CSMD1: variants seen among roughly 807,000 people sequenced by gnomAD.
CSMD1 encodes CUB and Sushi multiple domains 1.
Under a neutral mutation model 417.5 loss-of-function variants are expected in CSMD1, and 213 were observed. The ratio of observed to expected loss-of-function variants is 0.51; its 90% confidence interval spans 0.46 to 0.57. CSMD1 has a LOEUF of 0.57. Among genes scored for constraint, CSMD1 ranks in the 20% least tolerant of loss-of-function variants. The pLI is 0.00. For synonymous variants in CSMD1, 2,862 were observed against 1,736.8 expected, an observed-to-expected ratio of 1.65 and a Z score of -16.11; for missense variants, 6,923 against 4,529.7, an observed-to-expected ratio of 1.53 and a Z score of -15.17.
chr8:3,801,696 T>C (rs1418109032), intron 5 of CSMD1, among the ~76,000 whole-genome samples: 2 of 152,166 alleles, frequency 1.3e-5, no homozygotes, highest in Admixed American at 1.3e-4. Flanking sequence ...GCATCATTCA[T>C]AATATCCAAA....
At position 3,244,277 on chromosome 8, in the gene CSMD1, G is replaced by A. The variant is rs79641118; in HGVS notation, c.4154-14046C>T. 1.8e-4 allele frequency among the ~76,000 whole-genome samples: 27 copies of A among 152,176 alleles called. No individual in the cohort carries two copies. The South Asian group carries it at 1.9e-3, about 11-fold the overall frequency. On this transcript the variant is annotated intron_variant, in intron 26 of 69. Coordinates refer to ENST00000635120, the MANE Select transcript of CSMD1 (RefSeq NM_033225.6). ...GTATTTTGGAGGGTCAGTAGCCTGCGAAGCTCCTTGTTTCTGTTCACTGGA... is the reference window on the plus strand; with the variant it reads ...GTATTTTGGAGGGTCAGTAGCCTGCAAAGCTCCTTGTTTCTGTTCACTGGA...
chr8:4,257,640 A>G (rs984473216), intron 3 of CSMD1, among the ~76,000 whole-genome samples: 20 of 152,230 alleles, frequency 1.3e-4, no homozygotes, highest in Admixed American at 1.2e-3. Flanking sequence ...TTCAGGAAAT[A>G]CATCACATTG....
intron 38 of CSMD1, among the ~76,000 whole-genome samples, chr8:3,161,482 T>G (rs1366256650): frequency 6.6e-6 from 1 of 151,978 alleles, no homozygotes; most frequent in African/African-American, 2.4e-5. Context: ...CCGGGTGTGG[T>G]GGCAGGTGCC....
Position 3,888,104 on chromosome 8 carries a change from G to A in CSMD1, c.818+109799C>T, listed in dbSNP as rs192468421. Among the ~76,000 whole-genome samples, 272 of 152,186 alleles carry A rather than the reference G, an allele frequency of 1.8e-3. 4 individuals are homozygous for A. The highest frequency in any genetic ancestry group is 0.015 in the Admixed American group (225 of 15,270). ...GCAATATCATTAATTAAAAACCAAC[G>A]CTCCTTTGCCTAAGTGGGATAACAT... On this transcript the variant is annotated intron_variant, in intron 5 of 69. Coordinates refer to ENST00000635120, the MANE Select transcript of CSMD1 (RefSeq NM_033225.6).
chr8:4,206,707 G>T (rs952628087), intron 3 of CSMD1, among the ~76,000 whole-genome samples: 2 of 152,106 alleles, frequency 1.3e-5, no homozygotes, highest in Non-Finnish European at 2.9e-5. Context: ...CCCTGTAATG[G>T]GATGGCTGGG....
At chr8:3,203,890 G>A (rs181764824) in intron 31 of CSMD1, among the ~76,000 whole-genome samples, 8 of 152,254 alleles carry the variant, frequency 5.3e-5, no homozygotes, top group Admixed American at 4.6e-4. Context: ...CTTCCTACCT[G>A]GTAAGGATCA....
At chr8:3,993,877 G>A (rs1257773743) in intron 5 of CSMD1, among the ~76,000 whole-genome samples, 5 of 152,148 alleles carry the variant, frequency 3.3e-5, no homozygotes, top group Non-Finnish European at 5.9e-5. Flanking sequence ...TAATGGGATC[G>A]ACAAAAGATA....
intron 22 of CSMD1, among the ~76,000 whole-genome samples, chr8:3,344,655 CAG>C (rs1013953578): frequency 1.3e-5 from 2 of 152,116 alleles, no homozygotes; most frequent in Non-Finnish European, 2.9e-5. Flanking sequence ...TAAAATTAAA[CAG>C]AGTCTTAGTA....
intron 1 of CSMD1, among the ~76,000 whole-genome samples, chr8:4,902,994 GATAA>G (rs1214981549): frequency 2.1e-4 from 29 of 137,192 alleles, no homozygotes; most frequent in African/African-American, 8.3e-4. Context: ...ATAAATAAAT[GATAA>G]ATAATATTAA....
intron 1 of CSMD1, among the ~76,000 whole-genome samples, chr8:4,813,584 G>T (rs753335105): frequency 7.8e-4 from 119 of 152,136 alleles, no homozygotes; most frequent in Non-Finnish European, 9.9e-4. Flanking sequence ...GTTCATCAAA[G>T]TTCAAATCTC....
chr8:3,040,416 CAG>C (rs1252845605), intron 50 of CSMD1, among the ~76,000 whole-genome samples: 1 of 110,894 alleles, frequency 9.0e-6, no homozygotes, highest in African/African-American at 2.9e-5. Context: ...ATATATATAA[CAG>C]AAATATATAT....
intron 1 of CSMD1, among the ~76,000 whole-genome samples, chr8:4,732,901 G>C (rs2116965551): frequency 6.6e-6 from 1 of 152,252 alleles, no homozygotes; most frequent in African/African-American, 2.4e-5. Flanking sequence ...AACATGTCCA[G>C]CCTGCTGGGA....
At chr8:3,733,433 G>T (rs905761293) in intron 6 of CSMD1, among the ~76,000 whole-genome samples, 1 of 150,682 alleles carries the variant, frequency 6.6e-6, no homozygotes, top group Non-Finnish European at 1.5e-5. Context: ...TTTTGATTTG[G>T]TGTATGTATG....
chr8:3,937,087 T>C (rs1810549369), intron 5 of CSMD1, among the ~76,000 whole-genome samples: 1 of 152,308 alleles, frequency 6.6e-6, no homozygotes, highest in South Asian at 2.1e-4. Context: ...AGAACTGAAT[T>C]GCTGCACTGT....
chr8:3,559,970 A>C (rs76561283), intron 10 of CSMD1, among the ~76,000 whole-genome samples: 2,609 of 152,240 alleles, frequency 0.017, 94 homozygotes, highest in East Asian at 0.17. Context: ...TGCGGAATGA[A>C]GGTGGGTTTT....
intron 3 of CSMD1, among the ~76,000 whole-genome samples, chr8:4,205,300 A>G (rs1022721927): frequency 2.6e-5 from 4 of 152,318 alleles, no homozygotes; most frequent in Non-Finnish European, 4.4e-5. Context: ...CTTGAAAAAG[A>G]TTATTGTTAT....
At chr8:4,338,224 A>G (rs929130680) in intron 3 of CSMD1, among the ~76,000 whole-genome samples, 1 of 152,178 alleles carries the variant, frequency 6.6e-6, no homozygotes, top group East Asian at 1.9e-4. Context: ...GTTCTTGCAT[A>G]TTTCTAATAT....
chr8:4,192,326 T>C (rs1799077951), intron 3 of CSMD1, among the ~76,000 whole-genome samples: 1 of 152,204 alleles, frequency 6.6e-6, no homozygotes, highest in Admixed American at 6.5e-5. Flanking sequence ...CCCATCAAGC[T>C]TCAGGAGGAG....
At chr8:4,274,337 CT>C (rs1207205800) in intron 3 of CSMD1, among the ~76,000 whole-genome samples, 5 of 152,198 alleles carry the variant, frequency 3.3e-5, no homozygotes, top group Middle Eastern at 3.4e-3. Flanking sequence ...AAACACATGA[CT>C]TTTTTTACGT....
Sources: gnomAD v4.1 joint callset for allele counts (sites outside exome capture counted in the v4.1 genomes callset) on GRCh38, gnomAD v4.1.1 for gene constraint, MANE v1.5 for transcripts, NCBI Gene and HGNC (gene_info 2026-07-23, HGNC 2026-07-21) for gene names.